The following FBXL17 variants were observed in gnomAD, a reference collection of about 807,000 sequenced individuals.
FBXL17 encodes F-box/LRR-repeat protein 17.
FBXL17 carries 22 observed loss-of-function variants against 66.2 expected under a neutral mutation model. The observed-to-expected ratio is 0.33, with a 90% confidence interval of 0.24 to 0.47. The LOEUF (loss-of-function observed/expected upper bound fraction) is 0.47, where lower values mean the gene tolerates loss of function less well. Among genes scored for constraint, FBXL17 ranks in the 20% least tolerant of loss-of-function variants. The pLI is 1.00. For missense variants in FBXL17, 878 were observed against 948.2 expected, an observed-to-expected ratio of 0.93 and a Z score of 0.97; for synonymous variants, 474 against 400.5, an observed-to-expected ratio of 1.18 and a Z score of -2.19.
At chr5:108,100,243 A>G (rs1176381620) in intron 6 of FBXL17, among the ~76,000 whole-genome samples, 4 of 152,198 alleles carry the variant, frequency 2.6e-5, no homozygotes, top group African/African-American at 9.6e-5. Context: ...CTTTAACAAG[A>G]AAACATTTCA....
intron 7 of FBXL17, among the ~76,000 whole-genome samples, chr5:107,956,275 C>G (rs1751663445): frequency 6.6e-6 from 1 of 152,098 alleles, no homozygotes; most frequent in African/African-American, 2.4e-5. Flanking sequence ...TTGTTAAAAC[C>G]TCAGATTCCT....
rs117170475 is a variant in FBXL17, at chr5:108,128,555, C to T, written c.1745+57562G>A. The stretch of plus-strand genomic sequence containing the variant: ...CACCTTATTATAACTTGTCCTGGGG[C>T]ACATAGAAACTCTATGATAAAAACA... On this transcript the variant is annotated intron_variant, in intron 6 of 8. Coordinates refer to ENST00000542267, the MANE Select transcript of FBXL17 (RefSeq NM_001163315.3). Among the ~76,000 whole-genome samples, 134 of 152,220 alleles carry T rather than the reference C, an allele frequency of 8.8e-4. 1 individual carries two copies. In the East Asian group the frequency reaches 0.024, roughly 27 times the overall value.
intron 7 of FBXL17, among the ~76,000 whole-genome samples, chr5:107,916,990 G>C (rs1750153445): frequency 6.6e-6 from 1 of 152,130 alleles, no homozygotes; most frequent in Admixed American, 6.6e-5. Flanking sequence ...ATCCTACTTA[G>C]GATTTCCTAT....
chr5:107,979,753 A>T (rs1484416867), intron 7 of FBXL17, among the ~76,000 whole-genome samples: 1 of 152,252 alleles, frequency 6.6e-6, no homozygotes, highest in Non-Finnish European at 1.5e-5. Flanking sequence ...TTATTTGAAC[A>T]AATATTCATC....
chr5:108,193,598 G>T (rs1322523779), intron 5 of FBXL17, among the ~76,000 whole-genome samples: 1 of 152,032 alleles, frequency 6.6e-6, no homozygotes, highest in Non-Finnish European at 1.5e-5. Context: ...CTCAGCTAGG[G>T]TATTAAAATG....
rs1055186258 is a variant in FBXL17, at chr5:108,120,556, T to C, written c.1745+65561A>G. Among the ~76,000 whole-genome samples the C allele has an allele frequency of 2.0e-5, 3 of 152,154 alleles. No homozygotes were observed. The East Asian group carries it at 5.8e-4, about 29-fold the overall frequency. On this transcript the variant is annotated intron_variant, in intron 6 of 8. Transcript: ENST00000542267. Reference sequence around the variant, plus strand: ...ATCTAAAAGTTTCACTGGGGCTGGGTGCAGTGGCTCACATGAATAATCTCA... The same window carrying C: ...ATCTAAAAGTTTCACTGGGGCTGGGCGCAGTGGCTCACATGAATAATCTCA...
intron 7 of FBXL17, among the ~76,000 whole-genome samples, chr5:107,999,161 G>A (rs1471005245): frequency 6.6e-6 from 1 of 152,082 alleles, no homozygotes; most frequent in Non-Finnish European, 1.5e-5. Context: ...TGTTATATAG[G>A]TCTATTGCAC....
intron 7 of FBXL17, among the ~76,000 whole-genome samples, chr5:107,929,941 G>C (rs148100330): frequency 6.6e-6 from 1 of 152,128 alleles, no homozygotes; most frequent in African/African-American, 2.4e-5. Context: ...GATGCTCCTA[G>C]CAACTTCAAG....
intron 7 of FBXL17, among the ~76,000 whole-genome samples, chr5:107,976,950 C>T (rs1474153531): frequency 6.6e-6 from 1 of 152,210 alleles, no homozygotes; most frequent in Non-Finnish European, 1.5e-5. Context: ...TCCCTTCTCT[C>T]TTTCCAAGCT....
intron 6 of FBXL17, among the ~76,000 whole-genome samples, chr5:108,136,414 T>A (rs772858420): frequency 1.3e-5 from 2 of 152,170 alleles, no homozygotes; most frequent in African/African-American, 2.4e-5. Context: ...GTTTCTGTAA[T>A]ACATTTCTGG....
chr5:107,885,115 C>T (rs1266498525), intron 7 of FBXL17, among the ~76,000 whole-genome samples: 1 of 152,122 alleles, frequency 6.6e-6, no homozygotes, highest in Admixed American at 6.5e-5. Flanking sequence ...GCTGTTGACA[C>T]ATTACAATGG....
intron 6 of FBXL17, among the ~76,000 whole-genome samples, chr5:108,070,695 C>T (rs1748294955): frequency 6.6e-6 from 1 of 152,164 alleles, no homozygotes; most frequent in Admixed American, 6.5e-5. Context: ...ATTAAAAATA[C>T]ACAGTTTGCT....
intron 7 of FBXL17, among the ~76,000 whole-genome samples, chr5:107,915,004 A>G (rs1439309333): frequency 3.9e-5 from 6 of 152,218 alleles, no homozygotes; most frequent in Non-Finnish European, 8.8e-5. Flanking sequence ...TTTTAAAAAT[A>G]AACATGGATA....
intron 7 of FBXL17, among the ~76,000 whole-genome samples, chr5:108,007,122 G>T (rs182157419): frequency 2.1e-4 from 32 of 152,302 alleles, no homozygotes; most frequent in Non-Finnish European, 3.1e-4. Flanking sequence ...GTTTTAAATG[G>T]AAGAATATAG....
At chr5:108,262,810 T>C (rs1756893111) in intron 4 of FBXL17, among the ~76,000 whole-genome samples, 1 of 152,208 alleles carries the variant, frequency 6.6e-6, no homozygotes, top group Non-Finnish European at 1.5e-5. Context: ...TTCTGGAATG[T>C]AAACTTAGTT....
intron 6 of FBXL17, among the ~76,000 whole-genome samples, chr5:108,131,979 C>CT (rs35305637): frequency 0.14 from 19,868 of 143,082 alleles, 1,423 homozygotes; most frequent in Admixed American, 0.17. Flanking sequence ...GAAGAAAGTC[C>CT]TTTTTTTTTT....
chr5:107,933,648 T>G (rs986705063), intron 7 of FBXL17, among the ~76,000 whole-genome samples: 1 of 152,186 alleles, frequency 6.6e-6, no homozygotes, highest in Non-Finnish European at 1.5e-5. Context: ...CATACAATTC[T>G]ATTTCCTTTC....
chr5:107,878,885 T>A, intron 8 of FBXL17: 1 of 985,474 alleles, frequency 1.0e-6, no homozygotes, highest in South Asian at 4.7e-5. Context: ...TGCAGCAGGC[T>A]CTGACCAGAC....
chr5:108,208,675 T>C (rs1318079767), intron 5 of FBXL17, among the ~76,000 whole-genome samples: 2 of 152,224 alleles, frequency 1.3e-5, no homozygotes, highest in African/African-American at 4.8e-5. Flanking sequence ...TCTATGTATC[T>C]GTTTTGGTAC....
Sources: allele counts gnomAD v4.1 joint callset (sites outside exome capture counted in the v4.1 genomes callset), GRCh38; gene constraint gnomAD v4.1.1; transcripts MANE v1.5; gene names NCBI Gene and HGNC (gene_info 2026-07-23, HGNC 2026-07-21).